The following CPQ variants were observed in gnomAD, a reference collection of about 807,000 sequenced individuals.
CPQ encodes Ser-Met dipeptidase.
A neutral mutation model predicts 45.7 loss-of-function variants in CPQ; 37 were observed. That is an observed-to-expected ratio of 0.81 (90% CI 0.62 to 1.07). The LOEUF (loss-of-function observed/expected upper bound fraction) is 1.07. Among genes scored for constraint, CPQ ranks in the 50% least tolerant of loss-of-function variants. The probability of loss-of-function intolerance (pLI) is 0.00; values close to 1 mark genes in which losing one functional copy is unlikely to be tolerated. For missense variants in CPQ, 537 were observed against 572.9 expected, an observed-to-expected ratio of 0.94 and a Z score of 0.64; for synonymous variants, 186 against 205.8, an observed-to-expected ratio of 0.90 and a Z score of 0.82.
rs35258103 is a variant in CPQ, at chr8:96,873,010, TC to T, written c.642-6784del. ...GATGTTAAATACCAAACAGTTTTAT[TC>T]CCCTTAACATTTTGACCATCTTCCT... is the stretch of plus-strand genomic sequence containing the variant. On this transcript the variant is annotated intron_variant, in intron 3 of 7. Coordinates refer to ENST00000220763, the MANE Select transcript of CPQ (RefSeq NM_016134.4). Among the ~76,000 whole-genome samples, 281 of 151,992 alleles carry T rather than the reference TC, an allele frequency of 1.8e-3. 2 individuals are homozygous for T. The highest frequency in any genetic ancestry group is 6.5e-3 in the African/African-American group (272 of 41,542).
chr8:96,690,357 A>T (rs1809289902), intron 1 of CPQ, among the ~76,000 whole-genome samples: 1 of 152,166 alleles, frequency 6.6e-6, no homozygotes. Context: ...TAGGCTAATA[A>T]CAATTGTCCT....
chr8:97,110,160 C>T (rs1811476428), intron 7 of CPQ, among the ~76,000 whole-genome samples: 1 of 152,178 alleles, frequency 6.6e-6, no homozygotes, highest in Non-Finnish European at 1.5e-5. Flanking sequence ...AGAGACAACA[C>T]TATTCTGATT....
chr8:96,864,756 T>C (rs4642613), intron 3 of CPQ, among the ~76,000 whole-genome samples: 92,730 of 151,476 alleles, frequency 0.61, 29,039 homozygotes, highest in African/African-American at 0.75. Context: ...ATCTACTTGT[T>C]GTCTGTATTT....
At position 96,786,002 on chromosome 8, in the gene CPQ, T is replaced by C. The variant is rs989269916; in HGVS notation, c.433+672T>C. 2.2e-4 allele frequency among the ~76,000 whole-genome samples: 33 copies of C among 152,296 alleles called. 1 individual carries two copies. The highest frequency in any genetic ancestry group is 7.9e-4 in the African/African-American group (33 of 41,574). On this transcript the variant is annotated intron_variant, in intron 2 of 7. Transcript: ENST00000220763. Reference sequence around the variant, plus strand: ...CAAGAGAAAGGCCTAGTGAAGTACATTGTCAGTTTAAAACATTATTTATTG... The same window carrying C: ...CAAGAGAAAGGCCTAGTGAAGTACACTGTCAGTTTAAAACATTATTTATTG...
intron 7 of CPQ, among the ~76,000 whole-genome samples, chr8:97,141,296 G>A (rs1286074962): frequency 6.6e-6 from 1 of 152,026 alleles, no homozygotes; most frequent in Admixed American, 6.6e-5. Flanking sequence ...ACTAACAGAA[G>A]TGTCTAAATT....
intron 1 of CPQ, among the ~76,000 whole-genome samples, chr8:96,728,387 C>CACCT (rs1809870679): frequency 6.6e-6 from 1 of 151,898 alleles, no homozygotes; most frequent in Non-Finnish European, 1.5e-5. Context: ...TGGTGTTGAT[C>CACCT]AGGTGGCCCT....
intron 5 of CPQ, among the ~76,000 whole-genome samples, chr8:96,972,637 C>G (rs1813698776): frequency 6.6e-6 from 1 of 152,222 alleles, no homozygotes; most frequent in Non-Finnish European, 1.5e-5. Flanking sequence ...CGACTTCACT[C>G]CCCTGCTAAT....
chr8:97,064,900 A>T (rs1810612495), intron 6 of CPQ, among the ~76,000 whole-genome samples: 1 of 152,202 alleles, frequency 6.6e-6, no homozygotes, highest in Admixed American at 6.6e-5. Context: ...TGCCAGCTGT[A>T]TGACATTGAG....
chr8:97,047,278 G>A (rs770905650), intron 6 of CPQ, among the ~76,000 whole-genome samples: 2 of 152,206 alleles, frequency 1.3e-5, no homozygotes, highest in African/African-American at 2.4e-5. Flanking sequence ...ATAAGGTGCA[G>A]AGCCTGAACT....
At chr8:97,113,773 T>C (rs1308474437) in intron 7 of CPQ, among the ~76,000 whole-genome samples, 1 of 152,236 alleles carries the variant, frequency 6.6e-6, no homozygotes, top group Admixed American at 6.5e-5. Context: ...AAAACGTATC[T>C]GGTGGATACT....
intron 4 of CPQ, among the ~76,000 whole-genome samples, chr8:96,936,063 C>T (rs1306017997): frequency 1.3e-5 from 2 of 149,256 alleles, no homozygotes; most frequent in Non-Finnish European, 2.9e-5. Context: ...ATATTCTTTC[C>T]CTCATTTTTG....
chr8:96,652,592 A>G (rs144840600), intron 1 of CPQ, among the ~76,000 whole-genome samples: 77 of 152,270 alleles, frequency 5.1e-4, no homozygotes, highest in African/African-American at 1.6e-3. Flanking sequence ...ATTCCCATCA[A>G]CAATGTATAA....
chr8:96,748,268 C>CT (rs372084700), intron 1 of CPQ, among the ~76,000 whole-genome samples: 1 of 151,680 alleles, frequency 6.6e-6, no homozygotes, highest in Non-Finnish European at 1.5e-5. Flanking sequence ...TAATAAGTTG[C>CT]TTTTTTTTCT....
intron 1 of CPQ, among the ~76,000 whole-genome samples, chr8:96,673,474 T>C (rs1285760206): frequency 6.6e-6 from 1 of 152,006 alleles, no homozygotes; most frequent in African/African-American, 2.4e-5. Context: ...TGATTGGTGG[T>C]GGGAGGGGAC....
chr8:96,893,885 A>T (rs1812408941), intron 4 of CPQ, among the ~76,000 whole-genome samples: 1 of 152,194 alleles, frequency 6.6e-6, no homozygotes, highest in African/African-American at 2.4e-5. Context: ...TTCTGTTTAA[A>T]AGGTGGAGCC....
chr8:96,754,025 T>C (rs779948551), intron 1 of CPQ, among the ~76,000 whole-genome samples: 2 of 152,050 alleles, frequency 1.3e-5, no homozygotes, highest in African/African-American at 2.4e-5. Context: ...TATTAATATA[T>C]TTCTAATATT....
At chr8:96,991,747 T>A (rs1809096873) in intron 5 of CPQ, among the ~76,000 whole-genome samples, 1 of 152,102 alleles carries the variant, frequency 6.6e-6, no homozygotes, top group Non-Finnish European at 1.5e-5. Flanking sequence ...TATTAACTGG[T>A]TGGTTGACTG....
At chr8:96,902,101 G>C (rs996286626) in intron 4 of CPQ, among the ~76,000 whole-genome samples, 1 of 152,154 alleles carries the variant, frequency 6.6e-6, no homozygotes, top group Non-Finnish European at 1.5e-5. Context: ...AGGAGGGTCA[G>C]TCAAGGCAAT....
In CPQ at chr8:96,656,810, G is replaced by T. The variant is rs886334626; in HGVS notation, c.-35+11408G>T. ...ATACCATTGGCTGGTATCTCTGATT[G>T]TGCACCACCACTGGGAGGAACATAG... is the stretch of plus-strand genomic sequence containing the variant. On this transcript the variant is annotated intron_variant, in intron 1 of 7. Coordinates refer to ENST00000220763, the MANE Select transcript of CPQ (RefSeq NM_016134.4). Among the ~76,000 whole-genome samples, 3 of 152,226 alleles carry T rather than the reference G, an allele frequency of 2.0e-5. No homozygotes were observed. The South Asian group carries it at 6.2e-4, about 32-fold the overall frequency.
Sources: allele counts gnomAD v4.1 joint callset (sites outside exome capture counted in the v4.1 genomes callset), GRCh38; gene constraint gnomAD v4.1.1; transcripts MANE v1.5; gene names NCBI Gene and HGNC (gene_info 2026-07-23, HGNC 2026-07-21).